Variants in TNFRSF9 observed in about 807,000 individuals in gnomAD.
The protein encoded by TNFRSF9 is TNF receptor superfamily member 9, also known as tumor necrosis factor receptor superfamily member 9.
A neutral mutation model predicts 28.8 loss-of-function variants in TNFRSF9; 16 were observed. That is an observed-to-expected ratio of 0.55 (90% confidence interval 0.38 to 0.84). The LOEUF (loss-of-function observed/expected upper bound fraction) is 0.84. Among genes scored for constraint, TNFRSF9 ranks in the 40% least tolerant of loss-of-function variants. The pLI, the probability that TNFRSF9 is intolerant of heterozygous loss-of-function variation, is 0.00. For missense variants in TNFRSF9, 303 were observed against 315.0 expected (o/e 0.96, Z 0.29); for synonymous variants, 131 against 117.0 (o/e 1.12, Z -0.77).
chr1:7,938,605 A>G, intron 3 of TNFRSF9, 116 bp downstream of exon 3: 1 of 937,358 alleles, frequency 1.1e-6, no homozygotes, highest in Non-Finnish European at 1.6e-6. Context: ...GCTGGTTGGC[A>G]GAAGAATCAG....
chr1:7,939,290 A>T (rs1639865890), intron 2 of TNFRSF9, among the ~76,000 whole-genome samples: 1 of 149,260 alleles, frequency 6.7e-6, no homozygotes, highest in Non-Finnish European at 1.5e-5. Flanking sequence ...ACTGCACTCC[A>T]GCCTGGGCGA....
At chr1:7,933,422 G>C in intron 6 of TNFRSF9, 126 bp from the exon 7 acceptor site, 1 of 1,149,746 alleles carries the variant, frequency 8.7e-7, no homozygotes, top group Non-Finnish European at 1.2e-6. Context: ...TCTCCAACCT[G>C]CTAATGGAGT....
At chr1:7,939,594 C>T (rs1639872695) in intron 2 of TNFRSF9, among the ~76,000 whole-genome samples, 1 of 152,176 alleles carries the variant, frequency 6.6e-6, no homozygotes, top group African/African-American at 2.4e-5. Flanking sequence ...ACACACAAAA[C>T]TAACATTTAT....
At chr1:7,933,680 G>A (rs1004280096) in intron 6 of TNFRSF9, among the ~76,000 whole-genome samples, 17 of 151,980 alleles carry the variant, frequency 1.1e-4, no homozygotes, top group Admixed American at 1.1e-3. Context: ...GGGCAACAGA[G>A]TGAGACTCCA....
rs749385701 is a variant in TNFRSF9, at chr1:7,938,326, A to C, written c.213T>G (p.Val71=). ...AGGAACACTCCTTCCTGGTCCTGAA[A>C]ACACCTACAAAGTCCCCCCAGCCCC... ...TCDICRQCKG[V]FRTRKECSST... The change falls in exon 4 of 8, where the codon GTT becomes GTG. Residue 71 remains valine (V), a synonymous_variant. Transcript: ENST00000377507. The C allele has an allele frequency of 1.3e-6, 2 of 1,599,588 alleles. No homozygotes were observed. Among genetic ancestry groups the C allele is most frequent in the Non-Finnish European group, 1.7e-6 (2 of 1,173,150 alleles).
chr1:7,939,900 G>A lies in TNFRSF9; in HGVS notation c.95C>T (p.Pro32Leu). 2 of 1,594,178 alleles carry A rather than the reference G, an allele frequency of 1.3e-6. No individual in the cohort carries two copies. Among genetic ancestry groups the A allele is most frequent in the Non-Finnish European group, 1.7e-6 (2 of 1,164,350 alleles). Residue 32 changes from proline to leucine, a missense_variant, in exon 2 of 8, where the codon CCA becomes CTA. Pro to Leu is a moderately conservative substitution (Grantham distance 98). Coordinates refer to ENST00000377507, the MANE Select transcript of TNFRSF9 (RefSeq NM_001561.6). ...CATGATAACTGGGTACTCACCAGCT[G>A]GGCAGTTACTACAAGGATCCTGCAA... ...RSLQDPCSNC[P>L]AGTFCDNNRN...
Position 7,939,969 on chromosome 1 carries a change from A to G in TNFRSF9, c.26T>C (p.Val9Ala). The G allele has an allele frequency of 6.2e-7, 1 of 1,601,638 alleles. No individual in the cohort carries two copies. The highest frequency in any genetic ancestry group is 8.5e-7 in the Non-Finnish European group (1 of 1,169,960). Residue 9 changes from valine to alanine, a missense_variant, in exon 2 of 8, where the codon GTA becomes GCA. Transcript: ENST00000377507. Reference sequence around the variant, plus strand: ...GTTGAGGACCAGCAACAGAGTGGCTACTATGTTGTAACAGCTGTTTCCCAT... The same window carrying G: ...GTTGAGGACCAGCAACAGAGTGGCTGCTATGTTGTAACAGCTGTTTCCCAT... MGNSCYNI[V>A]ATLLLVLNFE...
In TNFRSF9 at chr1:7,919,282, C is replaced by G. The variant is rs1639524298; in HGVS notation, c.*1553G>C. ...CAGCACTTTGGGAGGCAGAGGTGGG[C>G]AGATCACCTGAGGTCAGGAGTTTGA... On this transcript the variant is annotated 3_prime_UTR_variant, in exon 8 of 8. Coordinates refer to ENST00000377507, the MANE Select transcript of TNFRSF9 (RefSeq NM_001561.6). 6.6e-6 allele frequency: 1 copy of G among 152,082 alleles called. No homozygotes were observed. Among genetic ancestry groups the G allele is most frequent in the South Asian group, 2.1e-4 (1 of 4,832 alleles). The allele number at this position is 152,082 out of a possible 1,614,324, so 9.4% of individuals were successfully genotyped here. A position where few individuals can be genotyped will look rare whatever the true frequency, so the allele number is the denominator to read the frequency against.
intron 7 of TNFRSF9, among the ~76,000 whole-genome samples, chr1:7,925,755 G>C (rs895976661): frequency 6.6e-6 from 1 of 152,056 alleles, no homozygotes; most frequent in African/African-American, 2.4e-5. Context: ...CCTCGTATGC[G>C]CAGTTCACAA....
At chr1:7,932,493 T>C (rs774547416) in intron 7 of TNFRSF9, among the ~76,000 whole-genome samples, 1 of 152,234 alleles carries the variant, frequency 6.6e-6, no homozygotes, top group Non-Finnish European at 1.5e-5. Context: ...ATGTAATCCA[T>C]ACTGGTGCTG....
At position 7,937,769 on chromosome 1, in the gene TNFRSF9, A is replaced by G; in HGVS notation, c.347-13T>C. ...CAGTCTTTACAACCTTGTATTAAAA[A>G]TGAAAGCAATAATAAAAGGGAAGCA... On this transcript the variant is annotated splice_polypyrimidine_tract_variant and intron_variant, in intron 4 of 7. Coordinates refer to ENST00000377507, the MANE Select transcript of TNFRSF9 (RefSeq NM_001561.6). The G allele has an allele frequency of 6.2e-7, 1 of 1,605,298 alleles. No individual in the cohort carries two copies. The highest frequency in any genetic ancestry group is 1.1e-5 in the South Asian group (1 of 90,178).
At chr1:7,924,552 G>A (rs1273392275) in intron 7 of TNFRSF9, among the ~76,000 whole-genome samples, 1 of 151,886 alleles carries the variant, frequency 6.6e-6, no homozygotes, top group Admixed American at 6.6e-5. Flanking sequence ...CCTTGAACCC[G>A]GGAGGCAGAG....
At chr1:7,933,602 G>A (rs1389939908) in intron 6 of TNFRSF9, among the ~76,000 whole-genome samples, 1 of 152,024 alleles carries the variant, frequency 6.6e-6, no homozygotes, top group African/African-American at 2.4e-5. Context: ...GGATGAGGCA[G>A]GAGAATGGCT....
intron 7 of TNFRSF9, among the ~76,000 whole-genome samples, chr1:7,923,808 C>T (rs557436040): frequency 2.6e-5 from 4 of 152,120 alleles, no homozygotes; most frequent in East Asian, 1.9e-4. Context: ...ACTGCACTCC[C>T]GCCTGGGTAA....
chr1:7,932,987 A>G (rs1639756929), intron 7 of TNFRSF9, 175 bp downstream of exon 7: 1 of 709,226 alleles, frequency 1.4e-6, no homozygotes. Flanking sequence ...CGAGCGGTGA[A>G]CACTGCAACT....
At chr1:7,924,811 TG>T (rs1208658344) in intron 7 of TNFRSF9, among the ~76,000 whole-genome samples, 1 of 152,158 alleles carries the variant, frequency 6.6e-6, no homozygotes, top group African/African-American at 2.4e-5. Flanking sequence ...ACACCAACTC[TG>T]TGTGGGTCTA....
chr1:7,929,538 T>G (rs1201715648), intron 7 of TNFRSF9, among the ~76,000 whole-genome samples: 1 of 152,130 alleles, frequency 6.6e-6, no homozygotes, highest in East Asian at 1.9e-4. Flanking sequence ...CCCACTGCAA[T>G]GCTACTCCTG....
intron 4 of TNFRSF9, 136 bp from the exon 5 acceptor site, chr1:7,937,892 C>G: frequency 1.4e-6 from 1 of 738,280 alleles, no homozygotes. Flanking sequence ...GAAACAACAC[C>G]CTAAGATGGC....
At chr1:7,936,903 A>C (rs576919042) in intron 5 of TNFRSF9, among the ~76,000 whole-genome samples, 25 of 152,358 alleles carry the variant, frequency 1.6e-4, no homozygotes, top group Non-Finnish European at 2.8e-4. Flanking sequence ...ACCAGCACCC[A>C]TCCACAGACC....
Sources: allele counts gnomAD v4.1 joint callset (sites outside exome capture counted in the v4.1 genomes callset), GRCh38; gene constraint gnomAD v4.1.1; transcripts MANE v1.5; gene names NCBI Gene and HGNC (gene_info 2026-07-23, HGNC 2026-07-21).